ADGRL2: variants seen among roughly 807,000 people sequenced by gnomAD.
ADGRL2 encodes adhesion G protein-coupled receptor L2.
ADGRL2 carries 44 observed loss-of-function variants against 157.4 expected under a neutral mutation model. That is an observed-to-expected ratio of 0.28 (90% CI 0.22 to 0.36). The LOEUF (loss-of-function observed/expected upper bound fraction) is 0.36. Ranked by LOEUF, ADGRL2 falls within the 10% of genes least tolerant of loss-of-function variation. The pLI is 1.00. For missense variants in ADGRL2, 1,510 were observed against 1,768.9 expected (o/e 0.85, Z 2.63); for synonymous variants, 585 against 624.7 (o/e 0.94, Z 0.95).
intron 2 of ADGRL2, among the ~76,000 whole-genome samples, chr1:81,842,587 A>G (rs1039452831): frequency 1.3e-5 from 2 of 151,444 alleles, no homozygotes; most frequent in Non-Finnish European, 2.9e-5. Context: ...CTGACTCTTG[A>G]CCTTGTGATC....
intron 1 of ADGRL2, among the ~76,000 whole-genome samples, chr1:81,350,099 G>A (rs1662776032): frequency 6.6e-6 from 1 of 151,932 alleles, no homozygotes; most frequent in Admixed American, 6.6e-5. Flanking sequence ...TATTCCTCTT[G>A]GCTTGAGATT....
chr1:81,923,161 T>G (rs954037905), intron 3 of ADGRL2, among the ~76,000 whole-genome samples: 4 of 152,206 alleles, frequency 2.6e-5, no homozygotes, highest in African/African-American at 9.6e-5. Flanking sequence ...AGCTTGGCAC[T>G]TATTTCAATA....
intron 3 of ADGRL2, among the ~76,000 whole-genome samples, chr1:81,595,185 C>A (rs1045317058): frequency 1.3e-5 from 2 of 152,142 alleles, no homozygotes; most frequent in Non-Finnish European, 2.9e-5. Flanking sequence ...TGGGAAGTAA[C>A]CTCCTGAATC....
chr1:81,965,082 G>T (rs1656648478), intron 11 of ADGRL2, among the ~76,000 whole-genome samples: 1 of 152,128 alleles, frequency 6.6e-6, no homozygotes, highest in African/African-American at 2.4e-5. Flanking sequence ...TTGGCATGTT[G>T]ATCAGGTAGA....
intron 3 of ADGRL2, among the ~76,000 whole-genome samples, chr1:81,603,524 AG>A (rs1316021126): frequency 6.6e-6 from 1 of 152,224 alleles, no homozygotes; most frequent in Non-Finnish European, 1.5e-5. Flanking sequence ...ACAGGATGCC[AG>A]AAGGTTCTGA....
At chr1:81,774,766 A>C (rs1226155855) in intron 2 of ADGRL2, among the ~76,000 whole-genome samples, 1 of 152,100 alleles carries the variant, frequency 6.6e-6, no homozygotes, top group Non-Finnish European at 1.5e-5. Flanking sequence ...TACATTGATT[A>C]CATATTTCAA....
At chr1:81,784,099 T>C (rs937503922) in intron 2 of ADGRL2, among the ~76,000 whole-genome samples, 2 of 152,344 alleles carry the variant, frequency 1.3e-5, no homozygotes, top group Non-Finnish European at 2.9e-5. Flanking sequence ...TCTAAGCTTT[T>C]AAGTTATGTT....
chr1:81,990,827 A>G lies in ADGRL2; in HGVS notation c.4092A>G (p.Gln1364=), dbSNP rs760459887. Residue 1364 remains glutamine (Q), a synonymous_variant, in exon 24 of 24, where the codon CAA becomes CAG. Transcript: ENST00000686636. ...AGGGAACTGACAGCTATGTCTCCCA[A>G]CTGACAGCAGAGGCTGAAGATCACC... is the stretch of plus-strand genomic sequence containing the variant. ...KSEGTDSYVS[Q]LTAEAEDHLQ... is the part of the protein sequence containing the mutation. The G allele has an allele frequency of 2.5e-6, 4 of 1,614,130 alleles. No individual in the cohort carries two copies. Among genetic ancestry groups the G allele is most frequent in the Admixed American group, 1.7e-5 (1 of 60,012 alleles).
intron 3 of ADGRL2, among the ~76,000 whole-genome samples, chr1:81,627,610 A>G (rs866395803): frequency 1.4e-4 from 21 of 152,326 alleles, no homozygotes; most frequent in Middle Eastern, 3.4e-3. Flanking sequence ...TGAGGCTCAG[A>G]AAGATTAAAT....
At chr1:81,846,183 G>A (rs1306092752) in intron 2 of ADGRL2, among the ~76,000 whole-genome samples, 4 of 151,694 alleles carry the variant, frequency 2.6e-5, no homozygotes, top group Admixed American at 2.6e-4. Context: ...AAAAATGGAT[G>A]ATGGATGATA....
intron 3 of ADGRL2, among the ~76,000 whole-genome samples, chr1:81,933,693 G>A (rs963915895): frequency 3.9e-5 from 6 of 151,964 alleles, no homozygotes; most frequent in Admixed American, 3.9e-4. Flanking sequence ...GCTCACGTTG[G>A]GTGTTTCCCA....
chr1:81,475,728 G>T (rs185070495), intron 2 of ADGRL2, among the ~76,000 whole-genome samples: 1 of 152,126 alleles, frequency 6.6e-6, no homozygotes, highest in African/African-American at 2.4e-5. Flanking sequence ...AAGTGATAAA[G>T]ACTGGGACAA....
At chr1:81,331,089 TG>T (rs1661237861) in intron 1 of ADGRL2, among the ~76,000 whole-genome samples, 1 of 152,160 alleles carries the variant, frequency 6.6e-6, no homozygotes, top group Admixed American at 6.6e-5. Context: ...TTGATGATAA[TG>T]AGTATTTTAT....
intron 2 of ADGRL2, among the ~76,000 whole-genome samples, chr1:81,547,738 T>C (rs577113167): frequency 1.3e-5 from 2 of 152,324 alleles, no homozygotes; most frequent in South Asian, 4.1e-4. Context: ...ATGGCTTCTT[T>C]GTTCTAATCT....
rs150093627 is a variant in ADGRL2, at chr1:81,913,995, T to TACACAC, written c.287+6782_287+6787dup. Reference sequence around the variant, plus strand: ...ACAAGGGAGATACTTAATGCACACATACACACACACACACACACACACCCC... The same window carrying TACACAC: ...ACAAGGGAGATACTTAATGCACACATACACACACACACACACACACACACACACCCC... On this transcript the variant is annotated intron_variant, in intron 3 of 23. Coordinates refer to ENST00000686636, the MANE Select transcript of ADGRL2 (RefSeq NM_001366006.2). 1.4e-5 allele frequency among the ~76,000 whole-genome samples: 2 copies of TACACAC among 147,696 alleles called. 1 individual carries two copies. Among genetic ancestry groups the TACACAC allele is most frequent in the Non-Finnish European group, 3.0e-5 (2 of 66,472 alleles).
chr1:81,594,370 G>A (rs2081191066), intron 3 of ADGRL2, among the ~76,000 whole-genome samples: 1 of 152,176 alleles, frequency 6.6e-6, no homozygotes, highest in Non-Finnish European at 1.5e-5. Flanking sequence ...AGAATTCAAA[G>A]TGGAAATGCT....
chr1:81,747,305 A>ATT lies in ADGRL2; in HGVS notation c.-142-14505_-142-14504insTT, dbSNP rs1406668002. On this transcript the variant is annotated intron_variant, in intron 1 of 20. Transcript: ENST00000359929. ...TGTGCATACATGTGTATATATATATATATTTTTTTTTTTGAGATGGAGTCT... is the reference window on the plus strand; with the variant it reads ...TGTGCATACATGTGTATATATATATATTTATTTTTTTTTTTGAGATGGAGTCT... Among the ~76,000 whole-genome samples, 176 of 139,794 alleles carry ATT rather than the reference A, an allele frequency of 1.3e-3. No homozygotes were observed. In the South Asian group the frequency reaches 0.018, roughly 15 times the overall value. 91.7% of individuals were successfully genotyped at this position (139,794 alleles called of 152,430 possible).
upstream of ADGRL2, among the ~76,000 whole-genome samples, chr1:81,796,148 G>C (rs1256029811): frequency 1.3e-5 from 2 of 151,996 alleles, no homozygotes; most frequent in Admixed American, 1.3e-4. Context: ...CTGCCACCGT[G>C]CCCAGCTAAT....
At chr1:81,529,494 G>A (rs1033991984) in intron 2 of ADGRL2, among the ~76,000 whole-genome samples, 1 of 152,190 alleles carries the variant, frequency 6.6e-6, no homozygotes, top group Non-Finnish European at 1.5e-5. Flanking sequence ...TATATTGGGT[G>A]CAATTAGGTA....
Sources: allele counts gnomAD v4.1 joint callset (sites outside exome capture counted in the v4.1 genomes callset), GRCh38; gene constraint gnomAD v4.1.1; transcripts MANE v1.5; gene names NCBI Gene and HGNC (gene_info 2026-07-23, HGNC 2026-07-21).